The following DMAC2L variants were observed in gnomAD, a reference collection of about 807,000 sequenced individuals.
DMAC2L encodes ATP synthase subunit s, mitochondrial.
A neutral mutation model predicts 22.5 loss-of-function variants in DMAC2L; 21 were observed. That is an observed-to-expected ratio of 0.93 (90% CI 0.66 to 1.34). The LOEUF is 1.34. Among genes scored for constraint, DMAC2L ranks in the 40% most tolerant of loss-of-function variants. The pLI, the probability that DMAC2L is intolerant of heterozygous loss-of-function variation, is 0.00. For synonymous variants in DMAC2L, 86 were observed against 89.5 expected (o/e 0.96, Z 0.22); for missense variants, 239 against 246.5 (o/e 0.97, Z 0.20).
At chr14:50,325,154 A>G (rs2032624618) in intron 5 of DMAC2L, among the ~76,000 whole-genome samples, 2 of 152,220 alleles carry the variant, frequency 1.3e-5, no homozygotes, top group South Asian at 2.1e-4. Flanking sequence ...TTCTGCTTTA[A>G]TATATAATGG....
At position 50,322,674 on chromosome 14, in the gene DMAC2L, G is replaced by A. The variant is rs753720781; in HGVS notation, c.271G>A (p.Asp91Asn). 18 of 1,613,954 alleles carry A rather than the reference G, an allele frequency of 1.1e-5. No individual in the cohort carries two copies. The highest frequency in any genetic ancestry group is 1.4e-5 in the Non-Finnish European group (16 of 1,180,004). ...GGACAAATACAAGATTCAGGCGATC[G>A]ACGCCACCGACTCTTGTATCATGAG... ...PLDKYKIQAI[D>N]ATDSCIMSIG... The change falls in exon 4 of 6, where the codon GAC becomes AAC. Residue 91 changes from aspartate to asparagine, a missense_variant. Coordinates refer to ENST00000557421, the MANE Select transcript of DMAC2L (RefSeq NM_001382507.1).
upstream of DMAC2L, chr14:50,311,879 T>G: frequency 2.1e-5 from 26 of 1,231,352 alleles, no homozygotes; most frequent in Non-Finnish European, 2.7e-5. Flanking sequence ...GGATCCGAGG[T>G]TGGAGTGCCA....
At position 50,326,821 on chromosome 14, in the gene DMAC2L, A is replaced by G. The variant is rs2032723080; in HGVS notation, c.*1098A>G. The stretch of plus-strand genomic sequence containing the variant: ...TTTGGGAGGCTGAGGTGGGAGGATC[A>G]CTTGAGACCAGGAGTTTGAGACCAA... On this transcript the variant is annotated 3_prime_UTR_variant, in exon 6 of 6. Coordinates refer to ENST00000557421, the MANE Select transcript of DMAC2L (RefSeq NM_001382507.1). 2 of 931,882 alleles carry G rather than the reference A, an allele frequency of 2.1e-6. No homozygotes were observed. Among genetic ancestry groups the G allele is most frequent in the Non-Finnish European group, 2.6e-6 (2 of 781,410 alleles). 57.7% of individuals were successfully genotyped at this position (931,882 alleles called of 1,614,324 possible).
Position 50,322,696 on chromosome 14 carries a change from T to C in DMAC2L, c.293T>C (p.Met98Thr). Residue 98 changes from methionine (M) to threonine (T), a missense_variant, in exon 4 of 6, where the codon ATG (methionine) becomes ACG (threonine). By Grantham distance (81) the Met-to-Thr change is moderately conservative. Transcript: ENST00000557421. ...ATCGACGCCACCGACTCTTGTATCA[T>C]GAGCATTGGATTTGATCACATGGGT... is the stretch of plus-strand genomic sequence containing the variant. The part of the protein sequence containing the change: ...QAIDATDSCI[M>T]SIGFDHMEGL... The C allele has an allele frequency of 6.2e-7, 1 of 1,614,198 alleles. No homozygotes were observed. The highest frequency in any genetic ancestry group is 8.5e-7 in the Non-Finnish European group (1 of 1,180,032).
Position 50,327,442 on chromosome 14 carries a change from T to G in DMAC2L, c.*1719T>G, listed in dbSNP as rs1478016699. ...ATATGCCAGTTTGTTTATAGATTTC[T>G]GTGTGTTTGATTTGAACTTTTTTTT... is the stretch of plus-strand genomic sequence containing the variant. On this transcript the variant is annotated 3_prime_UTR_variant, in exon 6 of 6. Transcript: ENST00000557421. 1 of 151,572 alleles carries G rather than the reference T, an allele frequency of 6.6e-6. No individual in the cohort carries two copies. The highest frequency in any genetic ancestry group is 1.5e-5 in the Non-Finnish European group (1 of 68,064). The allele number at this position is 151,572 out of a possible 1,614,324, so 9.4% of individuals were successfully genotyped here. A position where few individuals can be genotyped will look rare whatever the true frequency, so the allele number is the denominator to read the frequency against.
chr14:50,318,373 T>C (rs1323018022), intron 2 of DMAC2L, among the ~76,000 whole-genome samples: 1 of 152,230 alleles, frequency 6.6e-6, no homozygotes, highest in Non-Finnish European at 1.5e-5. Flanking sequence ...GTTTAAAACA[T>C]TTTAAATCTA....
At chr14:50,325,588 G>A (rs1595226941) in intron 5 of DMAC2L, 21 bp from the exon 6 acceptor site, 1 of 1,583,950 alleles carries the variant, frequency 6.3e-7, no homozygotes, top group Non-Finnish European at 8.6e-7. Flanking sequence ...AAATTGAAGT[G>A]ACTTTTTTCT....
upstream of DMAC2L, chr14:50,312,276 T>G (rs1481383583): frequency 7.8e-6 from 11 of 1,408,136 alleles, no homozygotes; most frequent in Admixed American, 2.0e-4. Context: ...CTTCGCCCCA[T>G]GTGGGAGAGG....
intron 1 of DMAC2L, chr14:50,312,870 C>T: frequency 2.7e-6 from 2 of 751,166 alleles, no homozygotes; most frequent in South Asian, 3.3e-5. Flanking sequence ...CGGTGCTATT[C>T]ATTCAGTCAT....
In DMAC2L at chr14:50,326,853, C is replaced by A; in HGVS notation, c.*1130C>A. On this transcript the variant is annotated 3_prime_UTR_variant, in exon 6 of 6. Coordinates refer to ENST00000557421, the MANE Select transcript of DMAC2L (RefSeq NM_001382507.1). Reference sequence around the variant, plus strand: ...ACCAGGAGTTTGAGACCAATTTGGGCAACACAGTGAGACCCCATCTCTAAA... The same window carrying A: ...ACCAGGAGTTTGAGACCAATTTGGGAAACACAGTGAGACCCCATCTCTAAA... The A allele has an allele frequency of 1.4e-6, 1 of 707,258 alleles. No homozygotes were observed. The highest frequency in any genetic ancestry group is 1.7e-6 in the Non-Finnish European group (1 of 576,424). The allele number at this position is 707,258 out of a possible 1,614,324, so 43.8% of individuals were successfully genotyped here. A position where few individuals can be genotyped will look rare whatever the true frequency, so the allele number is the denominator to read the frequency against.
In DMAC2L at chr14:50,326,469, C is replaced by A; in HGVS notation, c.*746C>A. 2 of 985,290 alleles carry A rather than the reference C, an allele frequency of 2.0e-6. No homozygotes were observed. The highest frequency in any genetic ancestry group is 2.4e-6 in the Non-Finnish European group (2 of 829,874). The allele number at this position is 985,290 out of a possible 1,614,324, so 61.0% of individuals were successfully genotyped here. On this transcript the variant is annotated 3_prime_UTR_variant, in exon 6 of 6. Coordinates refer to ENST00000557421, the MANE Select transcript of DMAC2L (RefSeq NM_001382507.1). ...TAAATTACAGATTCATTGATGGAGTCAATTATGCAAAGTGGTCAGTGGTTG... is the reference window on the plus strand; with the variant it reads ...TAAATTACAGATTCATTGATGGAGTAAATTATGCAAAGTGGTCAGTGGTTG...
intron 1 of DMAC2L, 115 bp from the exon 2 acceptor site, chr14:50,314,476 A>G (rs1043122033): frequency 9.5e-5 from 43 of 453,250 alleles, no homozygotes; most frequent in Non-Finnish European, 2.2e-5. Flanking sequence ...AGTACATTCA[A>G]CTGTTCACTC....
Position 50,325,788 on chromosome 14 carries a change from A to T in DMAC2L, c.*65A>T. 1 of 1,553,608 alleles carries T rather than the reference A, an allele frequency of 6.4e-7. No individual in the cohort carries two copies. The highest frequency in any genetic ancestry group is 1.2e-5 in the South Asian group (1 of 83,368). On this transcript the variant is annotated 3_prime_UTR_variant, in exon 6 of 6. Transcript: ENST00000557421. ...CTGTTGATTCCAAACATCAACTAAT[A>T]TTATATAGTCATCAGTAGAATTATA...
intron 4 of DMAC2L, chr14:50,323,009 C>T (rs1253077962): frequency 3.7e-5 from 48 of 1,306,702 alleles, no homozygotes; most frequent in Non-Finnish European, 1.9e-6. Context: ...AAACTTCTGT[C>T]ATTGAGAAGC....
At position 50,312,362 on chromosome 14, in the gene DMAC2L, C is replaced by G; in HGVS notation, c.-69C>G. The stretch of plus-strand genomic sequence containing the variant: ...TGCCGCAGACGCGGGGACGCTGGCT[C>G]GCTCCCTCCCTCCCTCCCTCCGACG... On this transcript the variant is annotated 5_prime_UTR_variant, in exon 1 of 6. Transcript: ENST00000557421. 1 of 645,624 alleles carries G rather than the reference C, an allele frequency of 1.5e-6. No homozygotes were observed. The highest frequency in any genetic ancestry group is 2.7e-6 in the Non-Finnish European group (1 of 377,132). 40.0% of individuals were successfully genotyped at this position (645,624 alleles called of 1,614,324 possible). A position where few individuals can be genotyped will look rare whatever the true frequency, so the allele number is the denominator to read the frequency against.
Position 50,312,368 on chromosome 14 carries a change from C to G in DMAC2L, c.-63C>G. 1 of 614,924 alleles carries G rather than the reference C, an allele frequency of 1.6e-6. No homozygotes were observed. The highest frequency in any genetic ancestry group is 2.8e-6 in the Non-Finnish European group (1 of 351,820). The allele number at this position is 614,924 out of a possible 1,614,324, so 38.1% of individuals were successfully genotyped here. A position where few individuals can be genotyped will look rare whatever the true frequency, so the allele number is the denominator to read the frequency against. ...AGACGCGGGGACGCTGGCTCGCTCC[C>G]TCCCTCCCTCCCTCCGACGCTGTGA... On this transcript the variant is annotated 5_prime_UTR_variant, in exon 1 of 6. Coordinates refer to ENST00000557421, the MANE Select transcript of DMAC2L (RefSeq NM_001382507.1).
upstream of DMAC2L, chr14:50,311,541 G>A: frequency 2.2e-6 from 1 of 447,878 alleles, no homozygotes. Flanking sequence ...GCCTCCGACG[G>A]GGGCAACACT....
intron 2 of DMAC2L, among the ~76,000 whole-genome samples, chr14:50,317,762 C>T (rs1216293612): frequency 6.6e-6 from 1 of 150,474 alleles, no homozygotes; most frequent in Non-Finnish European, 1.5e-5. Context: ...AAGAGTGAAA[C>T]ACTATCTCCA....
At position 50,325,861 on chromosome 14, in the gene DMAC2L, A is replaced by G; in HGVS notation, c.*138A>G. 7.4e-7 allele frequency: 1 copy of G among 1,345,954 alleles called. No individual in the cohort carries two copies. The highest frequency in any genetic ancestry group is 9.5e-7 in the Non-Finnish European group (1 of 1,047,556). 83.4% of individuals were successfully genotyped at this position (1,345,954 alleles called of 1,614,324 possible). ...TAGAAGTGGAGAGTGCATCATATGT[A>G]GAAAATAAATATTCAGACGTGGCTC... is the stretch of plus-strand genomic sequence containing the variant. On this transcript the variant is annotated 3_prime_UTR_variant, in exon 6 of 6. Coordinates refer to ENST00000557421, the MANE Select transcript of DMAC2L (RefSeq NM_001382507.1).
Sources: allele counts gnomAD v4.1 joint callset (sites outside exome capture counted in the v4.1 genomes callset), GRCh38; gene constraint gnomAD v4.1.1; transcripts MANE v1.5; gene names NCBI Gene and HGNC (gene_info 2026-07-23, HGNC 2026-07-21).